Variants in SMYD3 observed in about 807,000 individuals in gnomAD.
The protein encoded by SMYD3 is histone-lysine N-methyltransferase SMYD3.
SMYD3 carries 36 observed loss-of-function variants against 57.7 expected under a neutral mutation model. The observed-to-expected ratio is 0.62, with a 90% confidence interval of 0.48 to 0.82. The LOEUF is 0.82. Among genes scored for constraint, SMYD3 ranks in the 40% least tolerant of loss-of-function variants. SMYD3 has a pLI of 0.00. For synonymous variants in SMYD3, 211 were observed against 195.0 expected (o/e 1.08, Z -0.68); for missense variants, 515 against 538.8 (o/e 0.96, Z 0.44).
chr1:246,121,129 C>T (rs75608399), intron 5 of SMYD3, among the ~76,000 whole-genome samples: 2,400 of 152,236 alleles, frequency 0.016, 21 homozygotes, highest in Non-Finnish European at 0.024. Flanking sequence ...TCTCTAGCCC[C>T]TAATATGTAC....
Position 246,170,443 on chromosome 1 carries a change from T to C in SMYD3, c.531+156758A>G, listed in dbSNP as rs567185288. On this transcript the variant is annotated intron_variant, in intron 5 of 11. Coordinates refer to ENST00000490107, the MANE Select transcript of SMYD3 (RefSeq NM_001167740.2). The stretch of plus-strand genomic sequence containing the variant: ...TTTTTTTTGCTATTAAAAAAAAGTA[T>C]AATTACTGCTTTCACCAAACAAGGA... Among the ~76,000 whole-genome samples, 238 of 151,410 alleles carry C rather than the reference T, an allele frequency of 1.6e-3. 1 individual carries two copies. The highest frequency in any genetic ancestry group is 5.4e-3 in the African/African-American group (222 of 41,416).
intron 5 of SMYD3, among the ~76,000 whole-genome samples, chr1:246,231,198 C>T (rs2063404005): frequency 6.6e-6 from 1 of 152,128 alleles, no homozygotes; most frequent in Non-Finnish European, 1.5e-5. Flanking sequence ...ATCATTCTTA[C>T]TCTTCTCTCT....
intron 1 of SMYD3, among the ~76,000 whole-genome samples, chr1:246,401,525 G>T (rs1170512560): frequency 6.6e-6 from 1 of 151,896 alleles, no homozygotes; most frequent in East Asian, 1.9e-4. Context: ...TAGAGATAGG[G>T]TTTCACCATG....
rs140544194 is a variant in SMYD3, at chr1:246,192,489, G to A, written c.531+134712C>T. ...CAGGCTGGTGTCGAACTCCTGGGCC[G>A]AAGCGATCCTCCTACCTCAGCCTCC... On this transcript the variant is annotated intron_variant, in intron 5 of 11. Transcript: ENST00000490107. Among the ~76,000 whole-genome samples the A allele has an allele frequency of 4.3e-3, 654 of 151,600 alleles. 6 individuals are homozygous for A. The highest frequency in any genetic ancestry group is 0.013 in the African/African-American group (552 of 41,212).
chr1:246,365,115 C>G (rs1055685626), intron 1 of SMYD3, among the ~76,000 whole-genome samples: 2 of 152,178 alleles, frequency 1.3e-5, no homozygotes, highest in Middle Eastern at 6.8e-3. Flanking sequence ...GTCTCAAAAT[C>G]TATAAAGTAT....
chr1:246,046,230 G>A (rs1045160781), intron 5 of SMYD3, among the ~76,000 whole-genome samples: 52 of 152,162 alleles, frequency 3.4e-4, no homozygotes, highest in Non-Finnish European at 8.8e-5. Context: ...CAACCCAAAT[G>A]TCCATCAATG....
At chr1:246,265,479 G>GA (rs1407006659) in intron 5 of SMYD3, among the ~76,000 whole-genome samples, 2 of 151,926 alleles carry the variant, frequency 1.3e-5, no homozygotes, top group East Asian at 1.9e-4. Context: ...TTTGTCTTAA[G>GA]AAAAAATTCT....
At chr1:246,036,539 C>CTTTTTTT (rs59062672) in intron 5 of SMYD3, among the ~76,000 whole-genome samples, 9 of 145,018 alleles carry the variant, frequency 6.2e-5, no homozygotes, top group African/African-American at 1.5e-4. Flanking sequence ...TTCTTTCTCT[C>CTTTTTTT]TTTTTTTTTT....
At chr1:246,259,775 G>C (rs1046412864) in intron 5 of SMYD3, among the ~76,000 whole-genome samples, 8 of 152,222 alleles carry the variant, frequency 5.3e-5, no homozygotes, top group Admixed American at 3.3e-4. Flanking sequence ...CCCTGATACA[G>C]GCACAAGCAC....
chr1:245,809,678 G>A (rs935231644), intron 10 of SMYD3, among the ~76,000 whole-genome samples: 1 of 152,210 alleles, frequency 6.6e-6, no homozygotes, highest in Non-Finnish European at 1.5e-5. Flanking sequence ...AAACATCCTA[G>A]TGCGGGCACA....
At chr1:245,856,075 G>A (rs1172322874) in intron 10 of SMYD3, among the ~76,000 whole-genome samples, 2 of 152,230 alleles carry the variant, frequency 1.3e-5, no homozygotes, top group Non-Finnish European at 2.9e-5. Flanking sequence ...CATGTGAGAG[G>A]TGAAAACCAC....
intron 5 of SMYD3, among the ~76,000 whole-genome samples, chr1:246,273,796 G>C (rs1476518576): frequency 6.6e-6 from 1 of 151,622 alleles, no homozygotes; most frequent in Non-Finnish European, 1.5e-5. Context: ...TGTTGGCCAG[G>C]CTGGTCTCGA....
At chr1:245,989,811 A>G (rs911216634) in intron 5 of SMYD3, among the ~76,000 whole-genome samples, 4 of 152,208 alleles carry the variant, frequency 2.6e-5, no homozygotes, top group Non-Finnish European at 5.9e-5. Context: ...TATTAAACTT[A>G]CTCAGAGCTT....
At chr1:246,103,793 T>A (rs903495261) in intron 5 of SMYD3, among the ~76,000 whole-genome samples, 1 of 152,210 alleles carries the variant, frequency 6.6e-6, no homozygotes, top group Admixed American at 6.5e-5. Context: ...CTTTCTAACC[T>A]CACCTCCCTG....
chr1:245,894,384 C>T (rs2053608583), intron 8 of SMYD3, among the ~76,000 whole-genome samples: 1 of 152,130 alleles, frequency 6.6e-6, no homozygotes, highest in Non-Finnish European at 1.5e-5. Context: ...GGGAATAAAA[C>T]CTGGCCACCC....
chr1:245,839,391 G>A (rs28635712), intron 10 of SMYD3, among the ~76,000 whole-genome samples: 24 of 151,704 alleles, frequency 1.6e-4, no homozygotes, highest in African/African-American at 3.9e-4. Flanking sequence ...GGATGGTCTC[G>A]ATCTCCTGAC....
At chr1:246,408,161 A>G (rs2066898588) in intron 1 of SMYD3, among the ~76,000 whole-genome samples, 2 of 152,142 alleles carry the variant, frequency 1.3e-5, no homozygotes, top group South Asian at 4.1e-4. Flanking sequence ...GGTTAAGATC[A>G]CACAGCATAT....
chr1:245,751,831 G>A (rs889686915), intron 11 of SMYD3, among the ~76,000 whole-genome samples: 1 of 152,218 alleles, frequency 6.6e-6, no homozygotes, highest in Non-Finnish European at 1.5e-5. Flanking sequence ...TGCTCTGTGG[G>A]TGCACAGCAT....
intron 5 of SMYD3, among the ~76,000 whole-genome samples, chr1:246,271,293 T>A (rs2064216831): frequency 6.6e-6 from 1 of 152,242 alleles, no homozygotes; most frequent in East Asian, 1.9e-4. Flanking sequence ...CCAAATTTTT[T>A]AAATTTTCAT....
Sources: allele counts gnomAD v4.1 joint callset (sites outside exome capture counted in the v4.1 genomes callset), GRCh38; gene constraint gnomAD v4.1.1; transcripts MANE v1.5; gene names NCBI Gene and HGNC (gene_info 2026-07-23, HGNC 2026-07-21).